ARHGEF40: variants seen among roughly 807,000 people sequenced by gnomAD.
ARHGEF40 encodes the protein Rho guanine nucleotide exchange factor (GEF) 40.
In ARHGEF40, 98 loss-of-function variants were observed where a neutral mutation model predicts 165.9. That is an observed-to-expected ratio of 0.59 (90% CI 0.50 to 0.70). The LOEUF (loss-of-function observed/expected upper bound fraction) is 0.70, where lower values mean the gene tolerates loss of function less well. Among genes scored for constraint, ARHGEF40 ranks in the 30% least tolerant of loss-of-function variants. The pLI is 0.00. For missense variants in ARHGEF40, 1,815 were observed against 1,968.0 expected, an observed-to-expected ratio of 0.92 and a Z score of 1.47; for synonymous variants, 792 against 814.3, an observed-to-expected ratio of 0.97 and a Z score of 0.47.
rs922501367 is a variant in ARHGEF40 at position 21,087,543 on chromosome 14, C to T, written c.4387+80C>T. 3.1e-5 allele frequency: 48 copies of T among 1,551,940 alleles called. No individual in the cohort carries two copies. In the East Asian group the frequency reaches 5.4e-4, roughly 18 times the overall value. On this transcript the variant is annotated intron_variant, in intron 21 of 23. Transcript: ENST00000298694. ...CAGGCTGCTTGCTGCTGAGCAATTC[C>T]TTTTTCTAGCCAAGAAGCCCAGTTG...
intron 19 of ARHGEF40, 102 bp downstream of exon 19, chr14:21,085,968 A>C: frequency 1.5e-6 from 2 of 1,291,722 alleles, no homozygotes; most frequent in Non-Finnish European, 2.1e-6. Context: ...TTATAGGATG[A>C]AGAAAGAATG....
At chr14:21,084,641 C>A in intron 17 of ARHGEF40, 112 bp from the exon 18 acceptor site, 1 of 1,218,446 alleles carries the variant, frequency 8.2e-7, no homozygotes, top group Non-Finnish European at 1.1e-6. Context: ...CTTCCTGACT[C>A]TACCTGAGAA....
At chr14:21,061,623 G>A in the ARHGEF40 span, among the ~76,000 whole-genome samples, 1 of 152,192 alleles carries the variant, frequency 6.6e-6, no homozygotes, top group African/African-American at 2.4e-5. Flanking sequence ...TTGAGAAGGG[G>A]CTCCTCAGCC....
Position 21,075,909 on chromosome 14 carries a change from G to A in ARHGEF40, c.1739+144G>A. 1 of 1,083,948 alleles carries A rather than the reference G, an allele frequency of 9.2e-7. No individual in the cohort carries two copies. The highest frequency in any genetic ancestry group is 2.6e-5 in the East Asian group (1 of 38,528). 67.1% of individuals were successfully genotyped at this position (1,083,948 alleles called of 1,614,324 possible). ...TTCAGACTTCAAGCCATTGACCTTT[G>A]GCCTTACTTACCCTGACCTCCAGCT... On this transcript the variant is annotated intron_variant, in intron 5 of 23. Transcript: ENST00000298694. The surrounding 1 kb of genome is among the most constrained non-coding windows in gnomAD (Gnocchi z 4.5).
At chr14:21,066,957 A>G (rs540924095), upstream of ARHGEF40, among the ~76,000 whole-genome samples, 59 of 152,332 alleles carry the variant, frequency 3.9e-4, no homozygotes, top group African/African-American at 1.4e-3. Flanking sequence ...AGCTAACAAG[A>G]ACACGTGCTC....
At position 21,087,114 on chromosome 14, in the gene ARHGEF40, C is replaced by G; in HGVS notation, c.4243+9C>G. On this transcript the variant is annotated intron_variant, in intron 20 of 23. Coordinates refer to ENST00000298694, the MANE Select transcript of ARHGEF40 (RefSeq NM_018071.5). The stretch of plus-strand genomic sequence containing the variant: ...CCTGCTCACTGGAAGAGGTGAGGGC[C>G]AGGGTGCTGGGGGGTGGCCCCCAGG... 6.2e-7 allele frequency: 1 copy of G among 1,607,132 alleles called. No individual in the cohort carries two copies.
At position 21,078,428 on chromosome 14, in the gene ARHGEF40, C is replaced by T. The variant is rs759767593; in HGVS notation, c.2186C>T (p.Thr729Met). Reference protein sequence around the residue: ...LQKVLADPRLTALQRDGGAIL... With the variant: ...LQKVLADPRLMALQRDGGAIL... ...AAGGTGCTGGCAGATCCCCGGCTGA[C>T]GGCACTGCAGAGGGATGGGGGGGCC... Residue 729 changes from threonine to methionine, a missense_variant, in exon 10 of 24, where the codon ACG (threonine) becomes ATG (methionine). Physicochemically the swap from Thr to Met is moderately conservative, Grantham distance 81 (BLOSUM62 -1). Coordinates refer to ENST00000298694, the MANE Select transcript of ARHGEF40 (RefSeq NM_018071.5). 2.7e-5 allele frequency: 44 copies of T among 1,611,096 alleles called. No homozygotes were observed. Among genetic ancestry groups the T allele is most frequent in the South Asian group, 4.4e-5 (4 of 90,634 alleles).
In ARHGEF40 at chr14:21,087,118, G is replaced by A; in HGVS notation, c.4243+13G>A. On this transcript the variant is annotated intron_variant, in intron 20 of 23. Transcript: ENST00000298694. ...CTCACTGGAAGAGGTGAGGGCCAGG[G>A]TGCTGGGGGGTGGCCCCCAGGAGTG... is the stretch of plus-strand genomic sequence containing the variant. The A allele has an allele frequency of 6.2e-7, 1 of 1,606,028 alleles. No individual in the cohort carries two copies. The highest frequency in any genetic ancestry group is 8.5e-7 in the Non-Finnish European group (1 of 1,175,792).
At position 21,074,985 on chromosome 14, in the gene ARHGEF40, T is replaced by A; in HGVS notation, c.1255T>A (p.Ser419Thr). The change falls in exon 3 of 24, where the codon TCA (serine) becomes ACA (threonine). Residue 419 changes from serine to threonine, a missense_variant. Coordinates refer to ENST00000298694, the MANE Select transcript of ARHGEF40 (RefSeq NM_018071.5). This position sits in a 1 kb window ranked among gnomAD's most constrained non-coding sequence, Gnocchi z 4.8. Reference sequence around the variant, plus strand: ...CCAAGAAGCCCTTGGCAATCTGCCCTCACCAAGTGAGCACAAGCTTCCAGA... The same window carrying A: ...CCAAGAAGCCCTTGGCAATCTGCCCACACCAAGTGAGCACAAGCTTCCAGA... ...SHQEALGNLPSPSEHKLPECH... is the reference protein window; with the variant it reads ...SHQEALGNLPTPSEHKLPECH... The A allele has an allele frequency of 1.2e-6, 2 of 1,612,948 alleles. No homozygotes were observed. Among genetic ancestry groups the A allele is most frequent in the Non-Finnish European group, 1.7e-6 (2 of 1,179,736 alleles).
Position 21,075,200 on chromosome 14 carries a change from G to A in ARHGEF40, c.1450+20G>A, listed in dbSNP as rs541328736. ...TGGCAGGTGAGATGACACGGAGTGA[G>A]GCTCATGGGGCAAGGGCCAAAGCAG... On this transcript the variant is annotated intron_variant, in intron 3 of 23. Transcript: ENST00000298694. This position sits in a 1 kb window ranked among gnomAD's most constrained non-coding sequence, Gnocchi z 4.5. 6.3e-7 allele frequency: 1 copy of A among 1,583,738 alleles called. No individual in the cohort carries two copies. The highest frequency in any genetic ancestry group is 1.2e-5 in the South Asian group (1 of 85,730).
rs756905935 is a variant in ARHGEF40, at chr14:21,075,622, G to T, written c.1619-23G>T. Reference sequence around the variant, plus strand: ...GCATGGACTGCTCCCAGCCAGGACAGCCTGGCCATTTTGTGTCTTCAGGAG... The same window carrying T: ...GCATGGACTGCTCCCAGCCAGGACATCCTGGCCATTTTGTGTCTTCAGGAG... On this transcript the variant is annotated intron_variant, in intron 4 of 23. Transcript: ENST00000298694. This position sits in a 1 kb window ranked among gnomAD's most constrained non-coding sequence, Gnocchi z 4.5. 1 of 1,614,062 alleles carries T rather than the reference G, an allele frequency of 6.2e-7. No individual in the cohort carries two copies. Among genetic ancestry groups the T allele is most frequent in the Non-Finnish European group, 8.5e-7 (1 of 1,180,016 alleles).
Position 21,084,911 on chromosome 14 carries a change from G to A in ARHGEF40, c.3948G>A (p.Lys1316=). The change falls in exon 18 of 24, where the codon AAG becomes AAA. Residue 1316 remains lysine (K), a synonymous_variant. Coordinates refer to ENST00000298694, the MANE Select transcript of ARHGEF40 (RefSeq NM_018071.5). ...GGGGGTCAGAGATGTTTGTTTACAAGCAGGCCTTTAAGGTACGATTCCTGG... is the reference window on the plus strand; with the variant it reads ...GGGGGTCAGAGATGTTTGTTTACAAACAGGCCTTTAAGGTACGATTCCTGG... ...PEGGSEMFVY[K]QAFKTADMGL... 6.2e-7 allele frequency: 1 copy of A among 1,613,984 alleles called. No individual in the cohort carries two copies. The highest frequency in any genetic ancestry group is 8.5e-7 in the Non-Finnish European group (1 of 1,179,986).
chr14:21,088,947 C>G, intron 23 of ARHGEF40, 67 bp from the exon 24 acceptor site: 1 of 1,500,582 alleles, frequency 6.7e-7, no homozygotes, highest in Non-Finnish European at 9.2e-7. Flanking sequence ...CCTTCCTGTC[C>G]CCGGCTACTT....
upstream of ARHGEF40, among the ~76,000 whole-genome samples, chr14:21,069,170 T>A (rs920781848): frequency 6.6e-6 from 1 of 152,046 alleles, no homozygotes; most frequent in East Asian, 1.9e-4. Flanking sequence ...GCAGGGCATC[T>A]CCCCGCCGTG....
At chr14:21,081,259 C>T (rs1036709429) in intron 13 of ARHGEF40, 2 of 789,404 alleles carry the variant, frequency 2.5e-6, no homozygotes, top group East Asian at 5.4e-5. Flanking sequence ...ACATAAAAGC[C>T]CTTAGCACAG....
Position 21,073,817 on chromosome 14 carries a change from G to A in ARHGEF40, c.202-115G>A, listed in dbSNP as rs1235995527. On this transcript the variant is annotated intron_variant, in intron 2 of 23. Coordinates refer to ENST00000298694, the MANE Select transcript of ARHGEF40 (RefSeq NM_018071.5). The surrounding 1 kb of genome is among the most constrained non-coding windows in gnomAD (Gnocchi z 4.6). ...AATCTCCCCTCCTGCTCTCCTGAGA[G>A]TATAACCTTCCAGGCATAAGGCTGG... is the stretch of plus-strand genomic sequence containing the variant. 2 of 1,249,492 alleles carry A rather than the reference G, an allele frequency of 1.6e-6. No individual in the cohort carries two copies. The highest frequency in any genetic ancestry group is 2.3e-5 in the Admixed American group (1 of 42,860). The allele number at this position is 1,249,492 out of a possible 1,614,324, so 77.4% of individuals were successfully genotyped here.
chr14:21,083,613 A>C (rs545859294), intron 16 of ARHGEF40, among the ~76,000 whole-genome samples: 125 of 152,294 alleles, frequency 8.2e-4, no homozygotes, highest in Middle Eastern at 3.4e-3. Flanking sequence ...TACTATTTTG[A>C]TTCTTCTTCC....
chr14:21,082,056 C>A lies in ARHGEF40; in HGVS notation c.3188C>A (p.Ala1063Asp). 1.3e-6 allele frequency: 2 copies of A among 1,560,772 alleles called. No homozygotes were observed. The highest frequency in any genetic ancestry group is 1.9e-5 in the Admixed American group (1 of 51,928). Reference sequence around the variant, plus strand: ...CGGGAACACGTGCTGCTGGGCCGGGCTAGGGGGCCAGACGGACCCTGGGGA... The same window carrying A: ...CGGGAACACGTGCTGCTGGGCCGGGATAGGGGGCCAGACGGACCCTGGGGA... ...SPREHVLLGR[A>D]RGPDGPWGVG... The change falls in exon 14 of 24, where the codon GCT (alanine) becomes GAT (aspartate). Residue 1063 changes from alanine to aspartate, a missense_variant. By Grantham distance (126) the Ala-to-Asp change is moderately radical (BLOSUM62 -2). Coordinates refer to ENST00000298694, the MANE Select transcript of ARHGEF40 (RefSeq NM_018071.5).
rs1471209635 is a variant in ARHGEF40 at position 21,074,960 on chromosome 14, C to T, written c.1230C>T (p.His410=). 9.3e-6 allele frequency: 15 copies of T among 1,609,312 alleles called. No homozygotes were observed. In the South Asian group the frequency reaches 1.7e-4, roughly 18 times the overall value. Residue 410 remains histidine (H), a synonymous_variant, in exon 3 of 24, where the codon CAC becomes CAT. Transcript: ENST00000298694. This position sits in a 1 kb window ranked among gnomAD's most constrained non-coding sequence, Gnocchi z 4.8. ...CTGGGGACAAGGAAGATGCCAGCCA[C>T]CAAGAAGCCCTTGGCAATCTGCCCT... ...LSPGDKEDAS[H]QEALGNLPSP...
Sources: allele counts gnomAD v4.1 joint callset (sites outside exome capture counted in the v4.1 genomes callset), GRCh38; gene constraint gnomAD v4.1.1; non-coding constraint Gnocchi (gnomAD v3.1); transcripts MANE v1.5; gene names NCBI Gene and HGNC (gene_info 2026-07-23, HGNC 2026-07-21).